Variants in UXS1 observed in about 807,000 individuals in gnomAD.
UXS1 encodes the protein UDP-glucuronic acid decarboxylase 1.
Under a neutral mutation model 62.6 loss-of-function variants are expected in UXS1, and 33 were observed. The ratio of observed to expected loss-of-function variants is 0.53; its 90% CI spans 0.40 to 0.70. UXS1 has a LOEUF of 0.70. Ranked by LOEUF, UXS1 falls within the 30% of genes least tolerant of loss-of-function variation. The pLI is 0.00. For missense variants in UXS1, 434 were observed against 556.3 expected, an observed-to-expected ratio of 0.78 and a Z score of 2.21; for synonymous variants, 213 against 206.8, an observed-to-expected ratio of 1.03 and a Z score of -0.26.
chr2:106,190,052 G>C (rs572287078), intron 1 of UXS1, among the ~76,000 whole-genome samples: 2 of 152,144 alleles, frequency 1.3e-5, no homozygotes, highest in East Asian at 1.9e-4. Context: ...TTCAGGAAGG[G>C]GTGCTGACCA....
At chr2:106,185,962 G>A (rs1238828541) in intron 1 of UXS1, among the ~76,000 whole-genome samples, 3 of 310 alleles carry the variant, frequency 9.7e-3, no homozygotes, top group Non-Finnish European at 0.02. Flanking sequence ...AATATCTCTT[G>A]TTTCAAAGGC....
chr2:106,184,857 G>A (rs908167611), intron 1 of UXS1, among the ~76,000 whole-genome samples: 8 of 152,100 alleles, frequency 5.3e-5, no homozygotes, highest in African/African-American at 1.9e-4. Flanking sequence ...ATCTACAAAA[G>A]GTAGGCAGCT....
intron 1 of UXS1, among the ~76,000 whole-genome samples, chr2:106,180,037 A>G (rs1477165722): frequency 6.6e-6 from 1 of 151,666 alleles, no homozygotes; most frequent in East Asian, 1.9e-4. Context: ...TGAACCCAGG[A>G]GGCAGAGATT....
chr2:106,098,641 T>A, intron 13 of UXS1, 75 bp downstream of exon 13: 1 of 1,262,586 alleles, frequency 7.9e-7, no homozygotes, highest in Non-Finnish European at 1.1e-6. Context: ...AATTACCCAC[T>A]TTCTAGTCAA....
intron 6 of UXS1, among the ~76,000 whole-genome samples, chr2:106,130,518 C>T (rs1680360310): frequency 1.3e-5 from 2 of 152,200 alleles, no homozygotes; most frequent in Non-Finnish European, 2.9e-5. Flanking sequence ...CTACTTTTAG[C>T]CAATGGTGAG....
intron 6 of UXS1, among the ~76,000 whole-genome samples, chr2:106,143,082 A>G (rs1573498071): frequency 1.3e-5 from 2 of 152,110 alleles, no homozygotes; most frequent in South Asian, 4.2e-4. Context: ...CTGAAATTAT[A>G]TAAACAATAG....
At chr2:106,115,022 A>G (rs937913264) in intron 9 of UXS1, among the ~76,000 whole-genome samples, 1 of 151,970 alleles carries the variant, frequency 6.6e-6, no homozygotes, top group African/African-American at 2.4e-5. Context: ...GGCGACCCCC[A>G]GTCAATATGT....
At chr2:106,182,651 T>G (rs1272310555) in intron 1 of UXS1, among the ~76,000 whole-genome samples, 4 of 152,138 alleles carry the variant, frequency 2.6e-5, no homozygotes, top group Non-Finnish European at 5.9e-5. Flanking sequence ...ACCACAGCTG[T>G]GCCCCAACCC....
intron 8 of UXS1, among the ~76,000 whole-genome samples, chr2:106,125,081 C>G (rs992399489): frequency 6.6e-6 from 1 of 152,204 alleles, no homozygotes; most frequent in Admixed American, 6.5e-5. Flanking sequence ...AACTCCTTCT[C>G]AGGCAGTGAA....
chr2:106,106,564 T>C (rs1007525292), intron 10 of UXS1, among the ~76,000 whole-genome samples: 13 of 152,254 alleles, frequency 8.5e-5, no homozygotes, highest in African/African-American at 2.9e-4. Flanking sequence ...TACTGAGGAA[T>C]GGGGATTCCT....
chr2:106,171,553 G>A (rs927779445), intron 1 of UXS1, among the ~76,000 whole-genome samples: 2 of 152,172 alleles, frequency 1.3e-5, no homozygotes, highest in African/African-American at 4.8e-5. Context: ...ATAAAAGCCC[G>A]GGATTTTAAG....
At chr2:106,112,912 A>G (rs1678737883) in intron 9 of UXS1, 147 bp from the exon 10 acceptor site, 18 of 1,311,572 alleles carry the variant, frequency 1.4e-5, no homozygotes, top group Non-Finnish European at 1.8e-5. Context: ...TTCTGATTCC[A>G]TAATGTGCTC....
chr2:106,094,407 C>T (rs983746305), intron 14 of UXS1, among the ~76,000 whole-genome samples: 2 of 152,010 alleles, frequency 1.3e-5, no homozygotes, highest in African/African-American at 2.4e-5. Flanking sequence ...CTCTTACTGA[C>T]GTAAAGTGAG....
chr2:106,146,838 A>G (rs1381092125), intron 5 of UXS1, among the ~76,000 whole-genome samples: 2 of 150,794 alleles, frequency 1.3e-5, no homozygotes, highest in South Asian at 2.1e-4. Flanking sequence ...GCAGAGGAGA[A>G]GTAAGGGGAG....
At chr2:106,125,308 A>C (rs1277106386) in intron 8 of UXS1, among the ~76,000 whole-genome samples, 1 of 152,220 alleles carries the variant, frequency 6.6e-6, no homozygotes, top group East Asian at 1.9e-4. Flanking sequence ...CAAACAGGTA[A>C]AAAGATAGTG....
intron 7 of UXS1, among the ~76,000 whole-genome samples, chr2:106,128,616 AC>A (rs1477342686): frequency 6.6e-6 from 1 of 152,018 alleles, no homozygotes; most frequent in Non-Finnish European, 1.5e-5. Context: ...TTGGAACTAC[AC>A]CCCTGGCTTT....
chr2:106,129,863 CGTATTA>C (rs879064580), intron 6 of UXS1, 85 bp from the exon 7 acceptor site: 7 of 726,650 alleles, frequency 9.6e-6, no homozygotes, highest in Admixed American at 6.8e-5. Context: ...GTATAATAAA[CGTATTA>C]GTATATCTTT....
In UXS1 at chr2:106,177,272, T is replaced by C. The variant is rs1050206799; in HGVS notation, c.95-11189A>G. On this transcript the variant is annotated intron_variant, in intron 1 of 14. Coordinates refer to ENST00000283148, the MANE Select transcript of UXS1 (RefSeq NM_001253875.2). ...ATGAAGTGGCATGATCTTGGCTCAC[T>C]GTAACCTTTGCCGCCCGGGTTCAAG... Among the ~76,000 whole-genome samples the C allele has an allele frequency of 5.4e-5, 8 of 146,908 alleles. No individual in the cohort carries two copies. In the South Asian group the frequency reaches 1.1e-3, roughly 20 times the overall value.
chr2:106,109,938 G>C (rs1163023850), intron 10 of UXS1, among the ~76,000 whole-genome samples: 4 of 152,182 alleles, frequency 2.6e-5, no homozygotes, highest in Non-Finnish European at 5.9e-5. Context: ...AAGGAAATAG[G>C]TGGACACACC....
Sources: allele counts gnomAD v4.1 joint callset (sites outside exome capture counted in the v4.1 genomes callset), GRCh38; gene constraint gnomAD v4.1.1; transcripts MANE v1.5; gene names NCBI Gene and HGNC (gene_info 2026-07-23, HGNC 2026-07-21).